The following KCTD16 variants were observed in gnomAD, a reference collection of about 807,000 sequenced individuals.
KCTD16 encodes the protein potassium channel tetramerization domain containing 16, also known as BTB/POZ domain-containing protein KCTD16.
KCTD16 carries 13 observed loss-of-function variants against 33.2 expected under a neutral mutation model. The ratio of observed to expected loss-of-function variants is 0.39; its 90% CI spans 0.25 to 0.62. The LOEUF (loss-of-function observed/expected upper bound fraction) is 0.62. KCTD16 is among the 20% of genes least tolerant of loss of function. The probability of loss-of-function intolerance (pLI) is 0.50; values close to 1 mark genes in which losing one functional copy is unlikely to be tolerated. For missense variants in KCTD16, 441 were observed against 525.1 expected (o/e 0.84, Z 1.57); for synonymous variants, 197 against 195.3 (o/e 1.01, Z -0.07).
intron 3 of KCTD16, among the ~76,000 whole-genome samples, chr5:144,290,652 A>T (rs1018085398): frequency 4.6e-5 from 7 of 152,204 alleles, no homozygotes; most frequent in Non-Finnish European, 8.8e-5. Context: ...CCTTATTGAC[A>T]GATATCAAAA....
intron 3 of KCTD16, among the ~76,000 whole-genome samples, chr5:144,380,388 T>A (rs765346567): frequency 1.2e-4 from 18 of 152,086 alleles, no homozygotes; most frequent in Non-Finnish European, 2.5e-4. Flanking sequence ...ATAAGAAGAA[T>A]CAATATTTTT....
chr5:144,299,466 TC>T (rs1467049218), intron 3 of KCTD16, among the ~76,000 whole-genome samples: 1 of 151,944 alleles, frequency 6.6e-6, no homozygotes, highest in African/African-American at 2.4e-5. Context: ...TCTAATACTG[TC>T]TGCTTGAAAG....
At chr5:144,334,543 T>C (rs1200102008) in intron 3 of KCTD16, among the ~76,000 whole-genome samples, 1 of 152,186 alleles carries the variant, frequency 6.6e-6, no homozygotes, top group Non-Finnish European at 1.5e-5. Flanking sequence ...ACAGTAATAA[T>C]AGCTTTCAAT....
chr5:144,312,460 C>T (rs555991328), intron 3 of KCTD16, among the ~76,000 whole-genome samples: 1 of 152,302 alleles, frequency 6.6e-6, no homozygotes, highest in East Asian at 1.9e-4. Flanking sequence ...AATTCTGGAG[C>T]TGCCTGTACT....
chr5:144,200,865 T>C (rs1348191297), intron 2 of KCTD16, among the ~76,000 whole-genome samples: 3 of 152,176 alleles, frequency 2.0e-5, no homozygotes, highest in African/African-American at 7.2e-5. Context: ...GCCTCCCAAG[T>C]AGCTGGGACT....
At chr5:144,302,891 C>T (rs10068247) in intron 3 of KCTD16, among the ~76,000 whole-genome samples, 18,265 of 152,158 alleles carry the variant, frequency 0.12, 2,868 homozygotes, top group African/African-American at 0.36. Context: ...TCTCTTTAAA[C>T]TTGGATCCCT....
chr5:144,419,164 C>G (rs551929292), intron 3 of KCTD16, among the ~76,000 whole-genome samples: 5 of 152,126 alleles, frequency 3.3e-5, no homozygotes, highest in African/African-American at 1.2e-4. Context: ...ACACATATTT[C>G]TTGCTCAGTT....
At chr5:144,456,497 T>A (rs2126988788) in intron 3 of KCTD16, among the ~76,000 whole-genome samples, 1 of 151,992 alleles carries the variant, frequency 6.6e-6, no homozygotes, top group East Asian at 1.9e-4. Context: ...GGGTCAGGGG[T>A]AGGGAGGACT....
At chr5:144,343,633 GT>G (rs1388601259) in intron 3 of KCTD16, among the ~76,000 whole-genome samples, 1 of 151,928 alleles carries the variant, frequency 6.6e-6, no homozygotes, top group Non-Finnish European at 1.5e-5. Context: ...TTTTGAATGT[GT>G]TTGCTCTTGC....
At chr5:144,344,761 T>A (rs1752740815) in intron 3 of KCTD16, among the ~76,000 whole-genome samples, 2 of 150,416 alleles carry the variant, frequency 1.3e-5, no homozygotes, top group Admixed American at 1.3e-4. Context: ...TTGGTGGGAC[T>A]GTAAACTAGT....
intron 3 of KCTD16, among the ~76,000 whole-genome samples, chr5:144,344,368 T>A (rs202189776): frequency 9.4e-6 from 1 of 105,928 alleles, no homozygotes; most frequent in Non-Finnish European, 2.0e-5. Context: ...TGGGATCTAA[T>A]TAAAGAGCTT....
intron 3 of KCTD16, among the ~76,000 whole-genome samples, chr5:144,330,627 T>G (rs752264674): frequency 6.6e-6 from 1 of 152,128 alleles, no homozygotes; most frequent in Non-Finnish European, 1.5e-5. Flanking sequence ...TAGATAATAT[T>G]TACTGATGCT....
intron 3 of KCTD16, among the ~76,000 whole-genome samples, chr5:144,256,609 T>A (rs1412542161): frequency 2.2e-5 from 3 of 137,992 alleles, no homozygotes; most frequent in Non-Finnish European, 3.2e-5. Context: ...CCCCAAGGAG[T>A]TTTTTTTGTT....
chr5:144,357,374 C>T (rs1028532883), intron 3 of KCTD16, among the ~76,000 whole-genome samples: 2 of 152,152 alleles, frequency 1.3e-5, no homozygotes, highest in African/African-American at 4.8e-5. Context: ...AATTCCTGCT[C>T]ATCTGGGTGT....
chr5:144,329,105 C>A lies in KCTD16; in HGVS notation c.832+121559C>A, dbSNP rs191723062. 3.3e-5 allele frequency among the ~76,000 whole-genome samples: 5 copies of A among 152,264 alleles called. No homozygotes were observed. The East Asian group carries it at 9.7e-4, about 29-fold the overall frequency. On this transcript the variant is annotated intron_variant, in intron 3 of 3. Coordinates refer to ENST00000512467, the MANE Select transcript of KCTD16 (RefSeq NM_020768.4). Reference sequence around the variant, plus strand: ...TTGTTTGCATCCCACAATGTTGACACCCTTGGGAGGAAACAAGGTGAATCT... The same window carrying A: ...TTGTTTGCATCCCACAATGTTGACAACCTTGGGAGGAAACAAGGTGAATCT...
intron 3 of KCTD16, among the ~76,000 whole-genome samples, chr5:144,335,606 T>C (rs1273351296): frequency 1.3e-5 from 2 of 152,030 alleles, no homozygotes; most frequent in Non-Finnish European, 2.9e-5. Context: ...AGAACTTTGG[T>C]TTGGGTGTGG....
chr5:144,210,093 T>G (rs756559439), intron 3 of KCTD16, among the ~76,000 whole-genome samples: 1 of 151,916 alleles, frequency 6.6e-6, no homozygotes, highest in Non-Finnish European at 1.5e-5. Context: ...ACTTCTTGTT[T>G]CCCTGTTTGC....
At chr5:144,201,040 C>A (rs1467795691) in intron 2 of KCTD16, among the ~76,000 whole-genome samples, 1 of 152,198 alleles carries the variant, frequency 6.6e-6, no homozygotes, top group Non-Finnish European at 1.5e-5. Context: ...GCCACCTTAC[C>A]CAGCCAATGT....
chr5:144,476,973 T>C lies in KCTD16; in HGVS notation c.*2859T>C, dbSNP rs1351055002. ...AAAGAAGTTAGTAGTATTGAGTGGA[T>C]ACAATGAATGGGGAATCACATGTGT... On this transcript the variant is annotated 3_prime_UTR_variant, in exon 4 of 4. Transcript: ENST00000512467. 6.6e-6 allele frequency: 1 copy of C among 152,152 alleles called. No individual in the cohort carries two copies. Among genetic ancestry groups the C allele is most frequent in the Non-Finnish European group, 1.5e-5 (1 of 68,014 alleles). 9.4% of individuals were successfully genotyped at this position (152,152 alleles called of 1,614,324 possible).
Sources: allele counts gnomAD v4.1 joint callset (sites outside exome capture counted in the v4.1 genomes callset), GRCh38; gene constraint gnomAD v4.1.1; transcripts MANE v1.5; gene names NCBI Gene and HGNC (gene_info 2026-07-23, HGNC 2026-07-21).